N4BP2: variants seen among roughly 807,000 people sequenced by gnomAD.
N4BP2 encodes the protein NEDD4-binding protein 2.
In N4BP2, 91 loss-of-function variants were observed where a neutral mutation model predicts 152.8. The observed-to-expected ratio is 0.60, with a 90% confidence interval of 0.50 to 0.71. The LOEUF (loss-of-function observed/expected upper bound fraction) is 0.71. Ranked by LOEUF, N4BP2 falls within the 30% of genes least tolerant of loss-of-function variation. The pLI is 0.00. For missense variants in N4BP2, 1,923 were observed against 2,059.1 expected (o/e 0.93, Z 1.28); for synonymous variants, 646 against 705.3 (o/e 0.92, Z 1.33).
chr4:40,062,400 T>A (rs923429212), intron 1 of N4BP2, among the ~76,000 whole-genome samples: 3 of 152,136 alleles, frequency 2.0e-5, no homozygotes, highest in African/African-American at 7.2e-5. Context: ...TAGTATCATG[T>A]CTCACCTGGG....
chr4:40,121,451 T>G lies in N4BP2; in HGVS notation c.3340T>G (p.Cys1114Gly), dbSNP rs777739130. The change falls in exon 9 of 18, where the codon TGC becomes GGC. Residue 1114 changes from cysteine (C) to glycine (G), a missense_variant. Cys to Gly is a radical substitution (Grantham distance 159). Coordinates refer to ENST00000261435, the MANE Select transcript of N4BP2 (RefSeq NM_018177.6). ...AGCCCTGAAAGACTTATATGAGAGG[T>G]GCAATAAAGATATTATTTGGGCCAC... ...LEALKDLYER[C>G]NKDIIWATSL... 9 of 1,613,796 alleles carry G rather than the reference T, an allele frequency of 5.6e-6. No homozygotes were observed. In the Admixed American group the frequency reaches 1.5e-4, roughly 27 times the overall value.
rs574364901 is a variant in N4BP2 at position 40,141,906 on chromosome 4, C to T, written c.4786-767C>T. On this transcript the variant is annotated intron_variant, in intron 14 of 17. Transcript: ENST00000261435. ...CTGGAGACCAGCCCGGCCAACACAG[C>T]GAAACCCCGTCTCCACCAAAAAAAT... 2.4e-3 allele frequency among the ~76,000 whole-genome samples: 358 copies of T among 152,268 alleles called. 1 individual carries two copies. The highest frequency in any genetic ancestry group is 8.2e-3 in the African/African-American group (339 of 41,550).
chr4:40,153,239 A>T (rs1721296969), intron 17 of N4BP2, among the ~76,000 whole-genome samples: 2 of 152,240 alleles, frequency 1.3e-5, no homozygotes, highest in African/African-American at 4.8e-5. Context: ...AAGAAAGTAA[A>T]TATATTTGTT....
chr4:40,112,203 A>C, intron 6 of N4BP2, 31 bp downstream of exon 6: 1 of 1,243,224 alleles, frequency 8.0e-7, no homozygotes, highest in South Asian at 1.3e-5. Context: ...TAAGTTTATA[A>C]CAGTTTGTAT....
At position 40,122,013 on chromosome 4, in the gene N4BP2, A is replaced by C. The variant is rs1046058794; in HGVS notation, c.3902A>C (p.Glu1301Ala). 4.5e-6 allele frequency: 7 copies of C among 1,543,028 alleles called. No homozygotes were observed. The highest frequency in any genetic ancestry group is 6.1e-6 in the Non-Finnish European group (7 of 1,141,536). Residue 1301 changes from glutamate (E) to alanine (A), a missense_variant, in exon 9 of 18, where the codon GAA becomes GCA. Coordinates refer to ENST00000261435, the MANE Select transcript of N4BP2 (RefSeq NM_018177.6). Reference protein sequence around the residue: ...VSSTSNLELNEEIYFTDSLEI... With the variant: ...VSSTSNLELNAEIYFTDSLEI... ...AGTACTTCAAATCTTGAATTAAATG[A>C]AGAAATTTATTTTACTGATTCTCTT...
At chr4:40,160,498 C>T (rs957997276), downstream of N4BP2, among the ~76,000 whole-genome samples, 9 of 152,182 alleles carry the variant, frequency 5.9e-5, no homozygotes, top group Non-Finnish European at 1.0e-4. Context: ...GCCACGCTAA[C>T]GTTAACTTTC....
At chr4:40,131,682 A>G (rs1401477663) in intron 12 of N4BP2, 119 bp from the exon 13 acceptor site, 5 of 689,902 alleles carry the variant, frequency 7.2e-6, no homozygotes, top group African/African-American at 5.3e-5. Context: ...ATCCGTAAAG[A>G]AAGTCTGTGA....
Position 40,121,986 on chromosome 4 carries a change from C to T in N4BP2, c.3875C>T (p.Ser1292Phe). The change falls in exon 9 of 18, where the codon TCT (serine) becomes TTT (phenylalanine). Residue 1292 changes from serine (S) to phenylalanine (F), a missense_variant. Physicochemically the swap from Ser to Phe is radical, Grantham distance 155 (BLOSUM62 -2). Transcript: ENST00000261435. ...SHFSDIFNFV[S>F]STSNLELNEE... ...TTCTCTGATATTTTTAACTTTGTAT[C>T]TAGTACTTCAAATCTTGAATTAAAT... The T allele has an allele frequency of 6.5e-7, 1 of 1,548,666 alleles. No homozygotes were observed. Among genetic ancestry groups the T allele is most frequent in the South Asian group, 1.2e-5 (1 of 83,124 alleles).
At position 40,142,779 on chromosome 4, in the gene N4BP2, A is replaced by C; in HGVS notation, c.4892A>C (p.Gln1631Pro). Residue 1631 changes from glutamine to proline, a missense_variant, in exon 15 of 18, where the codon CAG (glutamine) becomes CCG (proline). Coordinates refer to ENST00000261435, the MANE Select transcript of N4BP2 (RefSeq NM_018177.6). Reference sequence around the variant, plus strand: ...AGAGCAGAGGCTTTCCTTCACCAACAGAAGAGGATGGAGTGCTACAGCAAG... The same window carrying C: ...AGAGCAGAGGCTTTCCTTCACCAACCGAAGAGGATGGAGTGCTACAGCAAG... ...DYRAEAFLHQ[Q>P]KRMECYSKAK... is the part of the protein sequence containing the mutation. 1 of 1,614,210 alleles carries C rather than the reference A, an allele frequency of 6.2e-7. No homozygotes were observed. The highest frequency in any genetic ancestry group is 8.5e-7 in the Non-Finnish European group (1 of 1,180,026).
chr4:40,090,952 A>AAAAAAGTTGT (rs368159426), intron 2 of N4BP2, among the ~76,000 whole-genome samples: 2,663 of 99,986 alleles, frequency 0.027, 326 homozygotes, highest in African/African-American at 0.081. Context: ...AAAAAAAAAA[A>AAAAAAGTTGT]AGTTTATAAG....
the N4BP2 span, among the ~76,000 whole-genome samples, chr4:40,181,132 A>G: frequency 6.6e-6 from 1 of 152,176 alleles, no homozygotes; most frequent in African/African-American, 2.4e-5. Context: ...CCTGGGTGAC[A>G]GAGCGAGAGT....
chr4:40,149,914 A>G (rs1720987399), intron 16 of N4BP2, among the ~76,000 whole-genome samples: 1 of 151,868 alleles, frequency 6.6e-6, no homozygotes. Flanking sequence ...AAAAAAAAAA[A>G]AAAAGAAAGA....
At chr4:40,149,896 CAAAAAGAAAAAAAAAAA>C (rs1720983284) in intron 16 of N4BP2, among the ~76,000 whole-genome samples, 1 of 103,776 alleles carries the variant, frequency 9.6e-6, no homozygotes, top group African/African-American at 3.5e-5. Context: ...GACTCCATCT[CAAAAAGAAAAAAAAAAA>C]AAAAAGAAAG....
intron 8 of N4BP2, among the ~76,000 whole-genome samples, chr4:40,118,620 TTTAC>T (rs1326117577): frequency 1.3e-5 from 2 of 152,202 alleles, no homozygotes; most frequent in Admixed American, 1.3e-4. Flanking sequence ...TCCTGCCAGT[TTTAC>T]TTGACGCTCG....
chr4:40,081,438 G>T (rs906018583), intron 2 of N4BP2, among the ~76,000 whole-genome samples: 1 of 152,038 alleles, frequency 6.6e-6, no homozygotes, highest in Non-Finnish European at 1.5e-5. Flanking sequence ...CTGAGGTCAG[G>T]AGTTCAAGAC....
chr4:40,135,107 C>T (rs1434220928), intron 13 of N4BP2, among the ~76,000 whole-genome samples: 4 of 109,376 alleles, frequency 3.7e-5, no homozygotes, highest in African/African-American at 1.1e-4. Context: ...CCTCCCCCCA[C>T]CCCACAAGAG....
chr4:40,058,748 A>C (rs11097014), intron 1 of N4BP2, among the ~76,000 whole-genome samples: 31,089 of 152,054 alleles, frequency 0.2, 3,554 homozygotes, highest in Admixed American at 0.27. Context: ...AGTAGAAGCT[A>C]AATATTATCA....
intron 1 of N4BP2, among the ~76,000 whole-genome samples, chr4:40,066,145 G>T (rs1254742074): frequency 6.6e-6 from 1 of 151,700 alleles, no homozygotes; most frequent in African/African-American, 2.4e-5. Flanking sequence ...TGGCCAGGAT[G>T]GTGTCAATCC....
rs963454922 is a variant in N4BP2, at chr4:40,100,415, C to T, written c.230-1660C>T. Among the ~76,000 whole-genome samples the T allele has an allele frequency of 2.2e-4, 32 of 144,148 alleles. No homozygotes were observed. In the East Asian group the frequency reaches 4.5e-3, roughly 20 times the overall value. 94.6% of individuals were successfully genotyped at this position (144,148 alleles called of 152,430 possible). A position where few individuals can be genotyped will look rare whatever the true frequency, so the allele number is the denominator to read the frequency against. On this transcript the variant is annotated intron_variant, in intron 3 of 17. Coordinates refer to ENST00000261435, the MANE Select transcript of N4BP2 (RefSeq NM_018177.6). ...TTTTTGAGATAGGGCCTCACTCAGT[C>T]GCCCAGGCTGGAGCGCAGTAATCAC...
Sources: allele counts gnomAD v4.1 joint callset (sites outside exome capture counted in the v4.1 genomes callset), GRCh38; gene constraint gnomAD v4.1.1; transcripts MANE v1.5; gene names NCBI Gene and HGNC (gene_info 2026-07-23, HGNC 2026-07-21).